Variants in NRXN3 observed in about 807,000 individuals in gnomAD.
The protein encoded by NRXN3 is neurexin 3.
In NRXN3, 32 loss-of-function variants were observed where a neutral mutation model predicts 137.6. The observed-to-expected ratio is 0.23, with a 90% CI of 0.18 to 0.31. The LOEUF (loss-of-function observed/expected upper bound fraction) is 0.31, where lower values mean the gene tolerates loss of function less well. Ranked by LOEUF, NRXN3 falls within the 10% of genes least tolerant of loss-of-function variation. NRXN3 has a pLI of 1.00. For missense variants in NRXN3, 1,574 were observed against 2,062.5 expected (o/e 0.76, Z 4.59); for synonymous variants, 798 against 784.5 (o/e 1.02, Z -0.29).
intron 10 of NRXN3, among the ~76,000 whole-genome samples, chr14:78,883,365 G>C (rs1467585574): frequency 6.6e-6 from 1 of 152,164 alleles, no homozygotes; most frequent in Non-Finnish European, 1.5e-5. Flanking sequence ...TAATTAATAA[G>C]TGAGTGAGAG....
intron 15 of NRXN3, among the ~76,000 whole-genome samples, chr14:79,334,933 T>C (rs2092128464): frequency 6.6e-6 from 1 of 152,162 alleles, no homozygotes; most frequent in Non-Finnish European, 1.5e-5. Flanking sequence ...TTTGCATCTG[T>C]TTATTAAACA....
chr14:79,832,807 T>G (rs1021301072), intron 20 of NRXN3, among the ~76,000 whole-genome samples: 1 of 152,162 alleles, frequency 6.6e-6, no homozygotes, highest in Non-Finnish European at 1.5e-5. Flanking sequence ...GTTACTACTA[T>G]GGGGCATTGC....
intron 15 of NRXN3, among the ~76,000 whole-genome samples, chr14:79,408,938 C>G (rs1174203915): frequency 6.6e-6 from 1 of 151,816 alleles, no homozygotes; most frequent in African/African-American, 2.4e-5. Flanking sequence ...TCTTTTTTTG[C>G]CCTTTTATTT....
chr14:78,355,026 C>T (rs2084066169), intron 4 of NRXN3, among the ~76,000 whole-genome samples: 2 of 152,200 alleles, frequency 1.3e-5, no homozygotes, highest in African/African-American at 4.8e-5. Context: ...AAAGAGGCTG[C>T]AGCCCCTACG....
chr14:78,927,532 A>G, intron 10 of NRXN3, among the ~76,000 whole-genome samples: 1 of 152,144 alleles, frequency 6.6e-6, no homozygotes, highest in East Asian at 1.9e-4. Flanking sequence ...CAGCAGATAT[A>G]TTACATGGTA....
At chr14:78,699,363 G>A (rs1018303114) in intron 6 of NRXN3, among the ~76,000 whole-genome samples, 3 of 152,178 alleles carry the variant, frequency 2.0e-5, no homozygotes, top group Admixed American at 6.5e-5. Context: ...GTCAAGGCTG[G>A]TAACAATGAA....
intron 15 of NRXN3, among the ~76,000 whole-genome samples, chr14:79,194,277 A>T (rs1441404680): frequency 6.6e-6 from 1 of 152,190 alleles, no homozygotes; most frequent in Non-Finnish European, 1.5e-5. Context: ...CTTCTCTGAC[A>T]TGCAAAAATG....
At chr14:79,546,521 C>T (rs1055578451) in intron 16 of NRXN3, among the ~76,000 whole-genome samples, 11 of 152,098 alleles carry the variant, frequency 7.2e-5, no homozygotes, top group African/African-American at 2.7e-4. Flanking sequence ...CAAAGATGAA[C>T]AAGTGACTTG....
intron 10 of NRXN3, among the ~76,000 whole-genome samples, chr14:78,873,683 A>G (rs1205821092): frequency 2.6e-5 from 4 of 152,152 alleles, no homozygotes; most frequent in Non-Finnish European, 5.9e-5. Context: ...AGATAAAGAG[A>G]TGGTTCGTAT....
At chr14:79,384,827 A>T (rs2094561291) in intron 15 of NRXN3, among the ~76,000 whole-genome samples, 1 of 152,198 alleles carries the variant, frequency 6.6e-6, no homozygotes, top group Non-Finnish European at 1.5e-5. Flanking sequence ...ACGTTTTAGT[A>T]TTGTTAGGAT....
intron 15 of NRXN3, among the ~76,000 whole-genome samples, chr14:79,187,214 G>C (rs2063647015): frequency 6.6e-6 from 1 of 152,192 alleles, no homozygotes; most frequent in Non-Finnish European, 1.5e-5. Flanking sequence ...AGCGGAGTCA[G>C]AGCCCCTCTT....
At chr14:79,619,094 T>C (rs2098193515) in intron 16 of NRXN3, among the ~76,000 whole-genome samples, 1 of 152,172 alleles carries the variant, frequency 6.6e-6, no homozygotes, top group Non-Finnish European at 1.5e-5. Flanking sequence ...TTACGGATTC[T>C]AGATATTAGG....
chr14:78,268,921 A>G (rs552165902), intron 2 of NRXN3, among the ~76,000 whole-genome samples: 1 of 152,302 alleles, frequency 6.6e-6, no homozygotes, highest in South Asian at 2.1e-4. Context: ...TATTGTGAAT[A>G]GGGATCCCAC....
intron 1 of NRXN3, among the ~76,000 whole-genome samples, chr14:78,198,300 G>A (rs367687661): frequency 5.1e-4 from 77 of 152,260 alleles, no homozygotes; most frequent in African/African-American, 1.4e-3. Context: ...CTCCAACCCC[G>A]TAATAGCCAT....
chr14:79,218,711 T>G (rs1319139116), intron 15 of NRXN3, among the ~76,000 whole-genome samples: 1 of 152,260 alleles, frequency 6.6e-6, no homozygotes, highest in African/African-American at 2.4e-5. Flanking sequence ...AAAATAAGAT[T>G]GGTTTATTTG....
chr14:79,593,537 G>A (rs541884891), intron 16 of NRXN3, among the ~76,000 whole-genome samples: 3 of 150,092 alleles, frequency 2.0e-5, no homozygotes, highest in Middle Eastern at 3.5e-3. Context: ...AGGCTGAGGC[G>A]GGAGAATGGC....
In NRXN3 at chr14:78,770,593, G is replaced by T. The variant is rs1189372843; in HGVS notation, c.2045-33027G>T. ...AGCATTTGAGAGTAAAATGTGTTTT[G>T]GGAAGCTTTAAATTCTTATTTTTGA... On this transcript the variant is annotated intron_variant, in intron 8 of 20. Transcript: ENST00000335750. 2.6e-5 allele frequency among the ~76,000 whole-genome samples: 4 copies of T among 152,142 alleles called. No individual in the cohort carries two copies. In the East Asian group the frequency reaches 7.7e-4, roughly 29 times the overall value.
At chr14:79,000,273 A>G (rs987735396) in intron 15 of NRXN3, among the ~76,000 whole-genome samples, 6 of 151,818 alleles carry the variant, frequency 4.0e-5, no homozygotes, top group Non-Finnish European at 7.3e-5. Context: ...CATATGTAAT[A>G]TAAATAAATA....
Position 79,481,529 on chromosome 14 carries a change from A to G in NRXN3, c.3444+14127A>G, listed in dbSNP as rs1201274604. ...TGTTCCTGTGACGAATACTGTAGGC[A>G]ATTGTAATGCAGTGGTATGTGTGTA... is the stretch of plus-strand genomic sequence containing the variant. On this transcript the variant is annotated intron_variant, in intron 16 of 20. Transcript: ENST00000335750. 2.0e-5 allele frequency among the ~76,000 whole-genome samples: 3 copies of G among 152,214 alleles called. No individual in the cohort carries two copies. In the East Asian group the frequency reaches 5.8e-4, roughly 29 times the overall value.
Sources: gnomAD v4.1 joint callset for allele counts (sites outside exome capture counted in the v4.1 genomes callset) on GRCh38, gnomAD v4.1.1 for gene constraint, MANE v1.5 for transcripts, NCBI Gene and HGNC (gene_info 2026-07-23, HGNC 2026-07-21) for gene names.